The following CSMD2 variants were observed in gnomAD, a reference collection of about 807,000 sequenced individuals.
The protein encoded by CSMD2 is CUB and Sushi multiple domains 2.
CSMD2 carries 130 observed loss-of-function variants against 398.5 expected under a neutral mutation model. The ratio of observed to expected loss-of-function variants is 0.33; its 90% CI spans 0.28 to 0.38. The LOEUF (loss-of-function observed/expected upper bound fraction) is 0.38, where lower values mean the gene tolerates loss of function less well. Among genes scored for constraint, CSMD2 ranks in the 10% least tolerant of loss-of-function variants. The pLI is 1.00. For synonymous variants in CSMD2, 1,828 were observed against 1,908.5 expected (o/e 0.96, Z 1.10); for missense variants, 3,829 against 4,764.9 (o/e 0.80, Z 5.78).
chr1:33,846,308 TCA>T (rs1401829566), intron 6 of CSMD2, among the ~76,000 whole-genome samples: 1 of 152,240 alleles, frequency 6.6e-6, no homozygotes, highest in African/African-American at 2.4e-5. Flanking sequence ...AGACAGTTCT[TCA>T]CAGATTTGAG....
At position 33,586,519 on chromosome 1, in the gene CSMD2, G is replaced by A. The variant is rs200540649; in HGVS notation, c.7036C>T (p.Pro2346Ser). ...LGTYLQFEGP[P>S]PICEVHCPTN... The stretch of plus-strand genomic sequence containing the variant: ...ATGCAATTACCTTCACATATCGGGG[G>A]TGGTCCTTCAAACTGCAGGTAGGTT... The change falls in exon 46 of 71, where the codon CCC becomes TCC. Residue 2346 changes from proline (P) to serine (S), a missense_variant. This residue lies in a region of CSMD2 where 723 missense variants were observed against 758.6 expected (regional missense o/e 0.95). Transcript: ENST00000373381. 4.8e-5 allele frequency: 78 copies of A among 1,611,922 alleles called. No homozygotes were observed. Among genetic ancestry groups the A allele is most frequent in the Non-Finnish European group, 6.3e-5 (74 of 1,178,230 alleles).
At chr1:33,910,212 C>A (rs942937167) in intron 5 of CSMD2, among the ~76,000 whole-genome samples, 1 of 152,178 alleles carries the variant, frequency 6.6e-6, no homozygotes, top group Admixed American at 6.5e-5. Flanking sequence ...CTTATGGAAT[C>A]CTCTCTGGCT....
chr1:33,613,369 A>G (rs1641173520), intron 40 of CSMD2, among the ~76,000 whole-genome samples: 1 of 152,220 alleles, frequency 6.6e-6, no homozygotes, highest in African/African-American at 2.4e-5. Context: ...GCAGAGGTAC[A>G]GGGTCTCCCA....
chr1:33,940,991 T>A (rs1201825086), intron 3 of CSMD2, among the ~76,000 whole-genome samples: 1 of 152,144 alleles, frequency 6.6e-6, no homozygotes, highest in Non-Finnish European at 1.5e-5. Context: ...TTCTTTGATT[T>A]TTTTTTTTAG....
intron 2 of CSMD2, among the ~76,000 whole-genome samples, chr1:34,067,320 A>G (rs1207084675): frequency 6.6e-6 from 1 of 152,252 alleles, no homozygotes; most frequent in African/African-American, 2.4e-5. Context: ...AGATTTAAAC[A>G]TGTACAAAAG....
At chr1:33,999,157 G>T (rs964503019) in intron 3 of CSMD2, among the ~76,000 whole-genome samples, 5 of 152,156 alleles carry the variant, frequency 3.3e-5, no homozygotes, top group Non-Finnish European at 7.3e-5. Flanking sequence ...CAGGAGAAAA[G>T]CTGCATAGAA....
intron 5 of CSMD2, among the ~76,000 whole-genome samples, chr1:33,911,386 G>A (rs889018871): frequency 1.1e-4 from 16 of 152,144 alleles, no homozygotes; most frequent in African/African-American, 3.6e-4. Context: ...CTAGTTAAAC[G>A]TCACTGAGAT....
chr1:33,633,382 C>T lies in CSMD2; in HGVS notation c.5200+40G>A. 2.8e-6 allele frequency: 4 copies of T among 1,450,374 alleles called. No individual in the cohort carries two copies. Among genetic ancestry groups the T allele is most frequent in the Non-Finnish European group, 3.8e-6 (4 of 1,056,246 alleles). 89.8% of individuals were successfully genotyped at this position (1,450,374 alleles called of 1,614,324 possible). A position where few individuals can be genotyped will look rare whatever the true frequency, so the allele number is the denominator to read the frequency against. On this transcript the variant is annotated intron_variant, in intron 32 of 70. Coordinates refer to ENST00000373381, the MANE Select transcript of CSMD2 (RefSeq NM_001281956.2). The surrounding 1 kb of genome is among the most constrained non-coding windows in gnomAD (Gnocchi z 5.0). ...TTCCTTTAGCCGGACGTGATGCCCC[C>T]GGCCCACAACCATCCCCACACTGGC...
intron 5 of CSMD2, among the ~76,000 whole-genome samples, chr1:33,915,833 C>T (rs946962447): frequency 3.3e-5 from 5 of 152,314 alleles, no homozygotes; most frequent in East Asian, 1.9e-4. Flanking sequence ...TCACAGATAT[C>T]GCATGTCATA....
At chr1:33,937,698 A>G (rs1398742993) in intron 3 of CSMD2, among the ~76,000 whole-genome samples, 1 of 152,260 alleles carries the variant, frequency 6.6e-6, no homozygotes, top group Non-Finnish European at 1.5e-5. Flanking sequence ...GTGTGAAACC[A>G]GGTGCCATCA....
intron 11 of CSMD2, among the ~76,000 whole-genome samples, chr1:33,790,867 T>A (rs1035492868): frequency 5.9e-5 from 9 of 151,620 alleles, no homozygotes; most frequent in African/African-American, 2.2e-4. Flanking sequence ...TATCTCTATC[T>A]CCTATTGTTC....
chr1:33,714,026 T>C (rs777997092), intron 21 of CSMD2, among the ~76,000 whole-genome samples: 4 of 152,226 alleles, frequency 2.6e-5, no homozygotes, highest in Non-Finnish European at 5.9e-5. Context: ...ACCTAGCAGA[T>C]GCCTGAGATG....
At chr1:33,873,236 G>A (rs1640600710) in intron 5 of CSMD2, among the ~76,000 whole-genome samples, 1 of 152,194 alleles carries the variant, frequency 6.6e-6, no homozygotes, top group Non-Finnish European at 1.5e-5. Context: ...CCTTGGGAAG[G>A]ATGATTGCAT....
intron 28 of CSMD2, among the ~76,000 whole-genome samples, chr1:33,651,930 G>T (rs1006361945): frequency 1.3e-5 from 2 of 151,996 alleles, no homozygotes; most frequent in South Asian, 2.1e-4. Context: ...AGATTGGGGG[G>T]GGTGCCTGGG....
chr1:33,865,325 G>A (rs1639941780), intron 5 of CSMD2, among the ~76,000 whole-genome samples: 1 of 148,862 alleles, frequency 6.7e-6, no homozygotes, highest in Non-Finnish European at 1.5e-5. Context: ...GCAACACTTA[G>A]ATACGCTCAG....
intron 1 of CSMD2, among the ~76,000 whole-genome samples, chr1:34,118,176 A>G (rs942532707): frequency 1.3e-5 from 2 of 152,222 alleles, no homozygotes; most frequent in East Asian, 3.8e-4. Context: ...AGATCATGCC[A>G]TTGCACTTTA....
At chr1:33,895,857 G>A (rs1005613767) in intron 5 of CSMD2, among the ~76,000 whole-genome samples, 7 of 152,110 alleles carry the variant, frequency 4.6e-5, no homozygotes, top group Admixed American at 6.5e-5. Context: ...GTCTGAAGCC[G>A]CAGTGCTCAG....
chr1:34,098,757 A>G (rs1413231526), intron 1 of CSMD2, among the ~76,000 whole-genome samples: 1 of 152,200 alleles, frequency 6.6e-6, no homozygotes, highest in African/African-American at 2.4e-5. Flanking sequence ...CACCATATAC[A>G]AAAATAACTT....
intron 48 of CSMD2, 151 bp from the exon 49 acceptor site, chr1:33,577,635 A>G (rs910136336): frequency 1.6e-6 from 1 of 614,548 alleles, no homozygotes; most frequent in Non-Finnish European, 2.6e-6. Context: ...TGAATGGTGG[A>G]TATTGAAAAA....
Sources: allele counts gnomAD v4.1 joint callset (sites outside exome capture counted in the v4.1 genomes callset), GRCh38; gene constraint gnomAD v4.1.1; regional missense constraint gnomAD v4.1.1; non-coding constraint Gnocchi (gnomAD v3.1); transcripts MANE v1.5; gene names NCBI Gene and HGNC (gene_info 2026-07-23, HGNC 2026-07-21).